CDH23: variants seen among roughly 807,000 people sequenced by gnomAD.
The protein encoded by CDH23 is cadherin related 23.
CDH23 carries 189 observed loss-of-function variants against 317.1 expected under a neutral mutation model. The ratio of observed to expected loss-of-function variants is 0.60; its 90% CI spans 0.53 to 0.67. The LOEUF is 0.67. Ranked by LOEUF, CDH23 falls within the 30% of genes least tolerant of loss-of-function variation. The pLI is 0.00. For missense variants in CDH23, 4,401 were observed against 4,592.4 expected (o/e 0.96, Z 1.20); for synonymous variants, 1,839 against 1,876.8 (o/e 0.98, Z 0.52).
At chr10:71,514,959 G>A (rs1453515419) in intron 6 of CDH23, among the ~76,000 whole-genome samples, 1 of 152,246 alleles carries the variant, frequency 6.6e-6, no homozygotes, top group Non-Finnish European at 1.5e-5. Context: ...TGCTGCTCCA[G>A]TACCTCCGTT....
At chr10:71,449,590 T>C (rs1324913338) in intron 3 of CDH23, among the ~76,000 whole-genome samples, 2 of 152,342 alleles carry the variant, frequency 1.3e-5, no homozygotes, top group East Asian at 3.8e-4. Context: ...ACAGCATTTA[T>C]TGACTGTTCA....
At chr10:71,754,124 G>A (rs1840073153) in intron 38 of CDH23, among the ~76,000 whole-genome samples, 1 of 152,158 alleles carries the variant, frequency 6.6e-6, no homozygotes, top group South Asian at 2.1e-4. Context: ...TTCCACCAGG[G>A]AGGGCACAGC....
intron 28 of CDH23, among the ~76,000 whole-genome samples, chr10:71,723,551 C>T (rs1443886890): frequency 6.6e-6 from 1 of 152,194 alleles, no homozygotes; most frequent in Admixed American, 6.5e-5. Flanking sequence ...AGGAGGGCTC[C>T]TGGGCTTCCA....
At chr10:71,471,625 A>G (rs921432747) in intron 3 of CDH23, among the ~76,000 whole-genome samples, 1 of 152,090 alleles carries the variant, frequency 6.6e-6, no homozygotes, top group African/African-American at 2.4e-5. Flanking sequence ...CAGGAGGGCC[A>G]GCGCCACCCC....
intron 3 of CDH23, among the ~76,000 whole-genome samples, chr10:71,493,806 G>A (rs768007039): frequency 3.3e-5 from 5 of 152,150 alleles, no homozygotes; most frequent in Admixed American, 6.5e-5. Flanking sequence ...AATGATTCGC[G>A]AAATACACTT....
chr10:71,804,757 C>T (rs1841660604), intron 55 of CDH23, among the ~76,000 whole-genome samples: 1 of 152,186 alleles, frequency 6.6e-6, no homozygotes, highest in South Asian at 2.1e-4. Context: ...CACCCCTCAG[C>T]TTTCATCTTC....
chr10:71,603,579 G>A (rs911607835), intron 9 of CDH23, among the ~76,000 whole-genome samples: 1 of 152,208 alleles, frequency 6.6e-6, no homozygotes, highest in African/African-American at 2.4e-5. Flanking sequence ...ACCTGCCCCA[G>A]GCCCCGGAGG....
At chr10:71,498,337 C>T (rs1357387851) in intron 3 of CDH23, among the ~76,000 whole-genome samples, 1 of 152,138 alleles carries the variant, frequency 6.6e-6, no homozygotes, top group Non-Finnish European at 1.5e-5. Flanking sequence ...TCCTTGGACT[C>T]CCTGGAATGC....
intron 6 of CDH23, among the ~76,000 whole-genome samples, chr10:71,563,841 T>C (rs999248356): frequency 2.8e-4 from 43 of 151,952 alleles, no homozygotes; most frequent in Non-Finnish European, 5.9e-4. Flanking sequence ...CTCCGCCTCC[T>C]GGGTTCAAGC....
At chr10:71,773,306 T>C (rs1840729429) in intron 38 of CDH23, 1 of 1,545,834 alleles carries the variant, frequency 6.5e-7, no homozygotes, top group Non-Finnish European at 8.8e-7. Context: ...CCCACTCCAG[T>C]CTGCTGTCTT....
At chr10:71,648,516 A>G (rs1434254770) in intron 14 of CDH23, among the ~76,000 whole-genome samples, 1 of 152,250 alleles carries the variant, frequency 6.6e-6, no homozygotes, top group South Asian at 2.1e-4. Flanking sequence ...GAGTTTCCTC[A>G]CTTCGTAGTC....
chr10:71,643,568 T>C (rs1369879102), intron 11 of CDH23, among the ~76,000 whole-genome samples: 10 of 135,422 alleles, frequency 7.4e-5, no homozygotes, highest in Admixed American at 2.2e-4. Context: ...TGCCCCCCCC[T>C]CACCTCCTCA....
chr10:71,609,951 CGT>C (rs34311857), intron 9 of CDH23, among the ~76,000 whole-genome samples: 21,642 of 142,544 alleles, frequency 0.15, 1,736 homozygotes, highest in Middle Eastern at 0.22. Context: ...AGGACTCCCC[CGT>C]GTGTGTGTGT....
At chr10:71,625,396 T>TTA (rs1179590707) in intron 11 of CDH23, among the ~76,000 whole-genome samples, 16 of 19,836 alleles carry the variant, frequency 8.1e-4, no homozygotes, top group African/African-American at 2.3e-3. Flanking sequence ...CCAAATAAAT[T>TTA]AAAAAAAAAA....
intron 11 of CDH23, among the ~76,000 whole-genome samples, chr10:71,625,146 C>T (rs1477045631): frequency 6.6e-6 from 1 of 151,924 alleles, no homozygotes; most frequent in Non-Finnish European, 1.5e-5. Flanking sequence ...GACGCACCCC[C>T]ACTGGGGGCC....
intron 1 of CDH23, among the ~76,000 whole-genome samples, chr10:71,406,999 A>C (rs1848124426): frequency 6.6e-6 from 1 of 152,218 alleles, no homozygotes; most frequent in Non-Finnish European, 1.5e-5. Flanking sequence ...CTTAGTCCTT[A>C]CAACAACCCT....
At chr10:71,694,577 T>C (rs1865306520) in intron 21 of CDH23, among the ~76,000 whole-genome samples, 1 of 152,072 alleles carries the variant, frequency 6.6e-6, no homozygotes, top group Non-Finnish European at 1.5e-5. Context: ...CCTTGGTGCC[T>C]GTCAACAAAG....
intron 38 of CDH23, chr10:71,755,198 C>G (rs1840101332): frequency 1.3e-6 from 1 of 751,174 alleles, no homozygotes; most frequent in African/African-American, 1.7e-5. Flanking sequence ...TTTCTCTCGG[C>G]CATTTCGCCC....
chr10:71,621,740 C>T (rs10999916), intron 11 of CDH23, among the ~76,000 whole-genome samples: 47,220 of 152,030 alleles, frequency 0.31, 8,876 homozygotes, highest in East Asian at 0.53. Context: ...GAATTCACTG[C>T]CGCCACCAGA....
Sources: allele counts gnomAD v4.1 joint callset (sites outside exome capture counted in the v4.1 genomes callset), GRCh38; gene constraint gnomAD v4.1.1; transcripts MANE v1.5; gene names NCBI Gene and HGNC (gene_info 2026-07-23, HGNC 2026-07-21).